The following MELTF variants were observed in gnomAD, a reference collection of about 807,000 sequenced individuals.
MELTF encodes antigen p97 (melanoma associated) identified by monoclonal antibodies 133.2 and 96.5.
MELTF carries 67 observed loss-of-function variants against 83.7 expected under a neutral mutation model. That is an observed-to-expected ratio of 0.80 (90% CI 0.66 to 0.98). The LOEUF (loss-of-function observed/expected upper bound fraction) is 0.98, where lower values mean the gene tolerates loss of function less well. Among genes scored for constraint, MELTF ranks in the 50% least tolerant of loss-of-function variants. The pLI, the probability that MELTF is intolerant of heterozygous loss-of-function variation, is 0.00. For missense variants in MELTF, 1,002 were observed against 1,035.6 expected (o/e 0.97, Z 0.44); for synonymous variants, 462 against 447.6 (o/e 1.03, Z -0.41).
At chr3:197,021,767 C>G (rs376333300) in intron 5 of MELTF, among the ~76,000 whole-genome samples, 11 of 152,182 alleles carry the variant, frequency 7.2e-5, no homozygotes, top group African/African-American at 2.7e-4. Flanking sequence ...TAGCTCAGGC[C>G]TGTAGGGAGC....
chr3:197,026,439 G>GC (rs1719857726), intron 3 of MELTF: 1 of 564,358 alleles, frequency 1.8e-6, no homozygotes, highest in African/African-American at 1.9e-5. Flanking sequence ...GGGCTGCTGG[G>GC]CTCCCTGCGG....
chr3:197,010,634 CTT>C, intron 10 of MELTF, 62 bp downstream of exon 10: 3 of 1,423,406 alleles, frequency 2.1e-6, no homozygotes, highest in East Asian at 2.3e-5. Context: ...GGGGGGCACT[CTT>C]TTATATTTAT....
Position 197,007,891 on chromosome 3 carries a change from C to A in MELTF, c.1750+766G>T, listed in dbSNP as rs1210354690. Among the ~76,000 whole-genome samples the A allele has an allele frequency of 6.6e-6, 1 of 152,152 alleles. No individual in the cohort carries two copies. Among genetic ancestry groups the A allele is most frequent in the Non-Finnish European group, 1.5e-5 (1 of 68,028 alleles). On this transcript the variant is annotated intron_variant, in intron 13 of 15. Transcript: ENST00000296350. This position sits in a 1 kb window ranked among gnomAD's most constrained non-coding sequence, Gnocchi z 4.3. ...TCTGGGCTAAGTCTATAGGAGGAGA[C>A]ATGTTGGGAGCGAGTGGAGAAGACT...
chr3:197,018,314 A>T (rs1489620711), intron 6 of MELTF, among the ~76,000 whole-genome samples: 1 of 140,098 alleles, frequency 7.1e-6, no homozygotes, highest in Admixed American at 7.1e-5. Flanking sequence ...CGCCCGGCTA[A>T]TTTTTTGTAT....
chr3:197,004,382 G>A (rs551718507), intron 14 of MELTF: 4 of 483,946 alleles, frequency 8.3e-6, no homozygotes, highest in African/African-American at 7.8e-5. Context: ...AGATGTCCAG[G>A]AAGAAAGACC....
In MELTF at chr3:197,007,972, G is replaced by A. The variant is rs1461671531; in HGVS notation, c.1750+685C>T. On this transcript the variant is annotated intron_variant, in intron 13 of 15. Coordinates refer to ENST00000296350, the MANE Select transcript of MELTF (RefSeq NM_005929.6). This position sits in a 1 kb window ranked among gnomAD's most constrained non-coding sequence, Gnocchi z 4.3. The stretch of plus-strand genomic sequence containing the variant: ...GGGGTGTAGGCAGGGTATGCAGACA[G>A]TACAAGCCTTTGGTGTTGGAGGAAA... Among the ~76,000 whole-genome samples, 1 of 152,190 alleles carries A rather than the reference G, an allele frequency of 6.6e-6. No homozygotes were observed. Among genetic ancestry groups the A allele is most frequent in the African/African-American group, 2.4e-5 (1 of 41,430 alleles).
rs892501815 is a variant in MELTF, at chr3:197,008,788, A to G, written c.1682+21T>C. 8 of 1,613,836 alleles carry G rather than the reference A, an allele frequency of 5.0e-6. No homozygotes were observed. Among genetic ancestry groups the G allele is most frequent in the African/African-American group, 1.3e-5 (1 of 74,924 alleles). On this transcript the variant is annotated intron_variant, in intron 12 of 15. Coordinates refer to ENST00000296350, the MANE Select transcript of MELTF (RefSeq NM_005929.6). The surrounding 1 kb of genome is among the most constrained non-coding windows in gnomAD (Gnocchi z 5.4). ...TCCCAGCCTCTGCACACAGCCCCAGACTGCCAGGCCACCCGGGTACCTGAA... is the reference window on the plus strand; with the variant it reads ...TCCCAGCCTCTGCACACAGCCCCAGGCTGCCAGGCCACCCGGGTACCTGAA...
chr3:197,016,493 G>A, intron 7 of MELTF, 124 bp from the exon 8 acceptor site: 1 of 801,710 alleles, frequency 1.2e-6, no homozygotes, highest in South Asian at 2.2e-5. Flanking sequence ...TGAGGGCCAG[G>A]TGAGGCCTCC....
chr3:197,004,585 A>C, intron 14 of MELTF: 1 of 179,660 alleles, frequency 5.6e-6, no homozygotes, highest in Non-Finnish European at 1.2e-5. Flanking sequence ...GTCTTCACTG[A>C]CCCACCCGCC....
chr3:197,003,404 G>A lies in MELTF; in HGVS notation c.2185C>T (p.Leu729Phe). The change falls in exon 16 of 16, where the codon CTC becomes TTC. Residue 729 changes from leucine (L) to phenylalanine (F), a missense_variant. Coordinates refer to ENST00000296350, the MANE Select transcript of MELTF (RefSeq NM_005929.6). This position sits in a 1 kb window ranked among gnomAD's most constrained non-coding sequence, Gnocchi z 6.2. ...APLLPLLLPA[L>F]AARLLPPAL ...GCGGGCGGGAGCAGGCGGGCGGCGA[G>A]GGCGGGCAGCAGCAGCGGGAGCAGG... 1 of 1,106,066 alleles carries A rather than the reference G, an allele frequency of 9.0e-7. No individual in the cohort carries two copies. The allele number at this position is 1,106,066 out of a possible 1,614,324, so 68.5% of individuals were successfully genotyped here.
chr3:197,014,421 CTT>C (rs558271838), intron 9 of MELTF, among the ~76,000 whole-genome samples: 91 of 124,256 alleles, frequency 7.3e-4, no homozygotes, highest in African/African-American at 2.8e-3. Flanking sequence ...CAGTCTCTCT[CTT>C]GTCGCCCAGG....
intron 9 of MELTF, among the ~76,000 whole-genome samples, chr3:197,012,452 G>A (rs896082091): frequency 2.6e-5 from 4 of 152,254 alleles, no homozygotes; most frequent in Admixed American, 6.5e-5. Context: ...GATGGTCATC[G>A]TCGTAAGCCT....
chr3:197,021,424 G>A lies in MELTF; in HGVS notation c.692C>T (p.Thr231Met), dbSNP rs1053092102. The A allele has an allele frequency of 1.2e-5, 20 of 1,613,998 alleles. No homozygotes were observed. Among genetic ancestry groups the A allele is most frequent in the African/African-American group, 2.7e-5 (2 of 74,952 alleles). Residue 231 changes from threonine (T) to methionine (M), a missense_variant, in exon 6 of 16, where the codon ACG becomes ATG. Thr to Met is a moderately conservative substitution (Grantham distance 81). Transcript: ENST00000296350. Reference protein sequence around the residue: ...AGDVAFVKHSTVLENTDGKTL... With the variant: ...AGDVAFVKHSMVLENTDGKTL... ...CTCACCATCCGTGTTCTCCAGTACC[G>A]TGCTGTGCTTCACAAAAGCCACGTC...
chr3:197,010,640 T>C (rs1308606610), intron 10 of MELTF, 58 bp downstream of exon 10: 4 of 1,460,074 alleles, frequency 2.7e-6, no homozygotes, highest in Non-Finnish European at 2.9e-6. Flanking sequence ...CACTCTTTTA[T>C]ATTTATAAAA....
At chr3:197,017,712 C>A (rs1396400735) in intron 6 of MELTF, among the ~76,000 whole-genome samples, 1 of 151,900 alleles carries the variant, frequency 6.6e-6, no homozygotes, top group East Asian at 1.9e-4. Context: ...CCCATCTCTA[C>A]TAAAAATACA....
chr3:197,017,193 C>T lies in MELTF; in HGVS notation c.810G>A (p.Gln270=). 6.2e-7 allele frequency: 1 copy of T among 1,605,292 alleles called. No individual in the cohort carries two copies. The highest frequency in any genetic ancestry group is 8.5e-7 in the Non-Finnish European group (1 of 1,177,188). Residue 270 remains glutamine, a synonymous_variant, in exon 7 of 16, where the codon CAG becomes CAA. Transcript: ENST00000296350. ...GSRADVTEWR[Q]CHLARVPAHA... Reference sequence around the variant, plus strand: ...GAGCAGGCACCCGGGCCAGATGGCACTGCCTCCACTCGGTGACATCGGCCC... The same window carrying T: ...GAGCAGGCACCCGGGCCAGATGGCATTGCCTCCACTCGGTGACATCGGCCC...
chr3:197,024,159 C>CG lies in MELTF; in HGVS notation c.487+143dup. The CG allele has an allele frequency of 1.8e-6, 1 of 565,432 alleles. No homozygotes were observed. Among genetic ancestry groups the CG allele is most frequent in the Non-Finnish European group, 2.4e-6 (1 of 423,552 alleles). 35.0% of individuals were successfully genotyped at this position (565,432 alleles called of 1,614,324 possible). A position where few individuals can be genotyped will look rare whatever the true frequency, so the allele number is the denominator to read the frequency against. On this transcript the variant is annotated intron_variant, in intron 4 of 15. Coordinates refer to ENST00000296350, the MANE Select transcript of MELTF (RefSeq NM_005929.6). This position sits in a 1 kb window ranked among gnomAD's most constrained non-coding sequence, Gnocchi z 5.3. ...CGGCAGAGTGGAGGCGGGGGAGGCA[C>CG]GGGGCGGGCGGGGGCTGCTGCGCCT... is the stretch of plus-strand genomic sequence containing the variant.
At position 197,017,340 on chromosome 3, in the gene MELTF, G is replaced by A. The variant is rs755153254; in HGVS notation, c.713-50C>T. The A allele has an allele frequency of 2.4e-5, 35 of 1,453,176 alleles. No homozygotes were observed. In the South Asian group the frequency reaches 3.3e-4, roughly 14 times the overall value. The allele number at this position is 1,453,176 out of a possible 1,614,324, so 90.0% of individuals were successfully genotyped here. ...AGCCAGCTCCGAAAGGGGTTGGGGC[G>A]GGTGGCGGGGAAGGCCCAGGAGAGG... is the stretch of plus-strand genomic sequence containing the variant. On this transcript the variant is annotated intron_variant, in intron 6 of 15. Transcript: ENST00000296350.
Position 197,008,909 on chromosome 3 carries a change from G to A in MELTF, c.1582C>T (p.Pro528Ser), listed in dbSNP as rs1719078792. Reference sequence around the variant, plus strand: ...ACGCACAGTGCACACAGCGAGGAGGGGTAGTTCTTGGGGTTGTTCACGGGC... The same window carrying A: ...ACGCACAGTGCACACAGCGAGGAGGAGTAGTTCTTGGGGTTGTTCACGGGC... ...CVPVNNPKNY[P>S]SSLCALCVGD... Residue 528 changes from proline to serine, a missense_variant, in exon 12 of 16, where the codon CCC becomes TCC. Pro to Ser is a moderately conservative substitution (Grantham distance 74). Transcript: ENST00000296350. This position sits in a 1 kb window ranked among gnomAD's most constrained non-coding sequence, Gnocchi z 5.4. 1 of 1,614,078 alleles carries A rather than the reference G, an allele frequency of 6.2e-7. No homozygotes were observed.
Sources: allele counts gnomAD v4.1 joint callset (sites outside exome capture counted in the v4.1 genomes callset), GRCh38; gene constraint gnomAD v4.1.1; non-coding constraint Gnocchi (gnomAD v3.1); transcripts MANE v1.5; gene names NCBI Gene and HGNC (gene_info 2026-07-23, HGNC 2026-07-21).